Variants in ERG observed in about 807,000 individuals in gnomAD.
ERG encodes the protein ETS transcription factor ERG.
In ERG, 9 loss-of-function variants were observed where a neutral mutation model predicts 55.3. That is an observed-to-expected ratio of 0.16 (90% CI 0.10 to 0.28). The LOEUF (loss-of-function observed/expected upper bound fraction) is 0.28, where lower values mean the gene tolerates loss of function less well. ERG is among the 10% of genes least tolerant of loss of function. The pLI, the probability that ERG is intolerant of heterozygous loss-of-function variation, is 1.00. For missense variants in ERG, 434 were observed against 631.6 expected, an observed-to-expected ratio of 0.69 and a Z score of 3.35; for synonymous variants, 223 against 237.3, an observed-to-expected ratio of 0.94 and a Z score of 0.55.
upstream of ERG, among the ~76,000 whole-genome samples, chr21:38,587,768 A>G (rs2060075405): frequency 6.6e-6 from 1 of 152,212 alleles, no homozygotes; most frequent in South Asian, 2.1e-4. Flanking sequence ...TTTGGTTTCC[A>G]ATTTCTGCAA....
At chr21:38,433,978 G>A (rs1990344932) in intron 2 of ERG, among the ~76,000 whole-genome samples, 1 of 152,008 alleles carries the variant, frequency 6.6e-6, no homozygotes, top group Non-Finnish European at 1.5e-5. Context: ...TCACATGCTG[G>A]TGAAATGTCC....
At chr21:38,620,556 A>G (rs1363741490) in intron 1 of ERG, among the ~76,000 whole-genome samples, 6 of 152,252 alleles carry the variant, frequency 3.9e-5, no homozygotes, top group Non-Finnish European at 8.8e-5. Flanking sequence ...TTTTTAATAC[A>G]TTTAAAAATA....
At chr21:38,548,598 C>A (rs2059802899) in intron 2 of ERG, among the ~76,000 whole-genome samples, 1 of 145,268 alleles carries the variant, frequency 6.9e-6, no homozygotes, top group African/African-American at 2.5e-5. Context: ...GAGGCACCCG[C>A]CACCACGCCC....
At chr21:38,401,011 T>A (rs1988463979) in intron 5 of ERG, among the ~76,000 whole-genome samples, 1 of 152,256 alleles carries the variant, frequency 6.6e-6, no homozygotes, top group Admixed American at 6.5e-5. Context: ...AAACCCATAA[T>A]ATATTTTACA....
intron 1 of ERG, among the ~76,000 whole-genome samples, chr21:38,641,270 C>A (rs958364443): frequency 6.6e-6 from 1 of 152,100 alleles, no homozygotes; most frequent in Non-Finnish European, 1.5e-5. Flanking sequence ...TAAAAGGGAC[C>A]AGAGAGAGCT....
chr21:38,563,086 T>C (rs373983057), intron 2 of ERG, among the ~76,000 whole-genome samples: 3 of 152,168 alleles, frequency 2.0e-5, no homozygotes, highest in East Asian at 1.9e-4. Context: ...ACTATGGAGA[T>C]GTAAAAAGAT....
chr21:38,420,352 A>G (rs2146495586), intron 3 of ERG, among the ~76,000 whole-genome samples: 1 of 152,300 alleles, frequency 6.6e-6, no homozygotes, highest in Non-Finnish European at 1.5e-5. Context: ...GCACACATAC[A>G]TGAAGCTTGA....
chr21:38,502,947 G>A (rs1450503739), upstream of ERG, among the ~76,000 whole-genome samples: 1 of 152,030 alleles, frequency 6.6e-6, no homozygotes, highest in African/African-American at 2.4e-5. Context: ...GGATGGTCTC[G>A]ATCTCTTGAC....
At chr21:38,377,576 TAA>T (rs1283500146), downstream of ERG, among the ~76,000 whole-genome samples, 1 of 152,226 alleles carries the variant, frequency 6.6e-6, no homozygotes, top group Non-Finnish European at 1.5e-5. Context: ...TTACTTAAAA[TAA>T]AAAGTTGTTA....
At chr21:38,607,057 T>C in intron 1 of ERG, among the ~76,000 whole-genome samples, 1 of 152,036 alleles carries the variant, frequency 6.6e-6, no homozygotes, top group East Asian at 1.9e-4. Context: ...AGAATAAAGA[T>C]TATCTACAAA....
At chr21:38,462,856 G>C (rs1601439623) in intron 1 of ERG, among the ~76,000 whole-genome samples, 1 of 152,156 alleles carries the variant, frequency 6.6e-6, no homozygotes, top group South Asian at 2.1e-4. Flanking sequence ...GAACCTTCTT[G>C]CAAGTGGCCT....
At position 38,539,893 on chromosome 21, in the gene ERG, A is replaced by ATTT. The variant is rs11338575; in HGVS notation, c.-41+35766_-41+35768dup. Among the ~76,000 whole-genome samples, 204 of 118,978 alleles carry ATTT rather than the reference A, an allele frequency of 1.7e-3. 1 individual carries two copies. The highest frequency in any genetic ancestry group is 6.0e-3 in the African/African-American group (182 of 30,544). 78.1% of individuals were successfully genotyped at this position (118,978 alleles called of 152,430 possible). A position where few individuals can be genotyped will look rare whatever the true frequency, so the allele number is the denominator to read the frequency against. On this transcript the variant is annotated intron_variant, in intron 2 of 8. Coordinates refer to the ERG transcript ENST00000398897. ...TATAAAACAGCGTCTCCAACACGTG[A>ATTT]TTTTTTTTTTTTTTTTTTTTTGAGA...
intron 2 of ERG, among the ~76,000 whole-genome samples, chr21:38,523,490 G>A (rs2059609203): frequency 6.6e-6 from 1 of 152,270 alleles, no homozygotes; most frequent in East Asian, 1.9e-4. Context: ...TTTATCCAAA[G>A]TCAGTGAGTA....
chr21:38,410,354 T>G (rs1169647522), intron 3 of ERG, among the ~76,000 whole-genome samples: 3 of 152,262 alleles, frequency 2.0e-5, no homozygotes, highest in Non-Finnish European at 4.4e-5. Context: ...TGTGTCATCA[T>G]TCTACATGTC....
chr21:38,473,423 A>G (rs1255053473), intron 1 of ERG, among the ~76,000 whole-genome samples: 2 of 144,078 alleles, frequency 1.4e-5, no homozygotes, highest in African/African-American at 5.6e-5. Flanking sequence ...AATTATATAT[A>G]TACATATATA....
intron 1 of ERG, among the ~76,000 whole-genome samples, chr21:38,646,121 A>G (rs183399752): frequency 6.6e-6 from 1 of 152,160 alleles, no homozygotes; most frequent in Non-Finnish European, 1.5e-5. Context: ...TCTACTAAAA[A>G]TATTAAAAAA....
intron 1 of ERG, among the ~76,000 whole-genome samples, chr21:38,492,270 C>G (rs971604048): frequency 3.3e-5 from 5 of 152,190 alleles, no homozygotes; most frequent in African/African-American, 1.2e-4. Context: ...GAGTTTAGCA[C>G]AGGACTTGGC....
At chr21:38,418,653 G>A (rs953250178) in intron 3 of ERG, among the ~76,000 whole-genome samples, 3 of 151,988 alleles carry the variant, frequency 2.0e-5, no homozygotes, top group East Asian at 1.9e-4. Flanking sequence ...TAGGCCAGGC[G>A]TGGTGGTTCA....
intron 1 of ERG, among the ~76,000 whole-genome samples, chr21:38,658,893 A>G (rs1226356067): frequency 2.0e-5 from 3 of 152,252 alleles, no homozygotes; most frequent in Non-Finnish European, 4.4e-5. Flanking sequence ...CCCCTCACAC[A>G]ATCCCTTCAA....
Sources: gnomAD v4.1 joint callset for allele counts (sites outside exome capture counted in the v4.1 genomes callset) on GRCh38, gnomAD v4.1.1 for gene constraint, MANE v1.5 for transcripts, NCBI Gene and HGNC (gene_info 2026-07-23, HGNC 2026-07-21) for gene names.